The following CCSER1 variants were observed in gnomAD, a reference collection of about 807,000 sequenced individuals.
The protein encoded by CCSER1 is coiled-coil serine rich protein 1, also known as serine-rich coiled-coil domain-containing protein 1.
In CCSER1, 41 loss-of-function variants were observed where a neutral mutation model predicts 82.0. The ratio of observed to expected loss-of-function variants is 0.50; its 90% confidence interval spans 0.39 to 0.65. The LOEUF (loss-of-function observed/expected upper bound fraction) is 0.65, where lower values mean the gene tolerates loss of function less well. Among genes scored for constraint, CCSER1 ranks in the 30% least tolerant of loss-of-function variants. The pLI is 0.00. For missense variants in CCSER1, 1,119 were observed against 1,064.2 expected (o/e 1.05, Z -0.72); for synonymous variants, 414 against 383.9 (o/e 1.08, Z -0.92).
At chr4:91,303,784 G>A (rs1744844980) in intron 10 of CCSER1, among the ~76,000 whole-genome samples, 1 of 151,872 alleles carries the variant, frequency 6.6e-6, no homozygotes, top group Non-Finnish European at 1.5e-5. Flanking sequence ...AATGGACTGA[G>A]ATCCTGTCTC....
chr4:90,590,009 C>T (rs574486325), intron 5 of CCSER1, among the ~76,000 whole-genome samples: 1 of 152,308 alleles, frequency 6.6e-6, no homozygotes, highest in African/African-American at 2.4e-5. Context: ...CACAATGGCT[C>T]ATGCCTGTAA....
chr4:90,178,864 G>A (rs1042695636), intron 1 of CCSER1, among the ~76,000 whole-genome samples: 9 of 152,184 alleles, frequency 5.9e-5, no homozygotes, highest in African/African-American at 1.4e-4. Flanking sequence ...GATATGCTCC[G>A]CAAATGTGGA....
intron 4 of CCSER1, among the ~76,000 whole-genome samples, chr4:90,403,668 C>A (rs1753271766): frequency 6.6e-6 from 1 of 151,976 alleles, no homozygotes; most frequent in African/African-American, 2.4e-5. Context: ...TCATTATATT[C>A]CACTGCTTAT....
At chr4:90,539,364 T>C (rs1775814297) in intron 5 of CCSER1, among the ~76,000 whole-genome samples, 1 of 152,112 alleles carries the variant, frequency 6.6e-6, no homozygotes, top group Admixed American at 6.5e-5. Context: ...AAACATTCTC[T>C]GGAATATAGG....
At chr4:91,270,247 T>A (rs1741917335) in intron 10 of CCSER1, among the ~76,000 whole-genome samples, 1 of 152,190 alleles carries the variant, frequency 6.6e-6, no homozygotes, top group African/African-American at 2.4e-5. Context: ...GGCCAGGGAA[T>A]AAGTGCTGAA....
At position 90,874,777 on chromosome 4, in the gene CCSER1, G is replaced by A. The variant is rs141021768; in HGVS notation, c.2095-48593G>A. ...TAAAAAACAAAATTGGCTGGGTGTG[G>A]TGTCTCACACCTGTAATCCCAGCAC... On this transcript the variant is annotated intron_variant, in intron 8 of 10. Coordinates refer to ENST00000509176, the MANE Select transcript of CCSER1 (RefSeq NM_001145065.2). 9.6e-3 allele frequency among the ~76,000 whole-genome samples: 1,455 copies of A among 152,188 alleles called. 25 individuals are homozygous for A. Among genetic ancestry groups the A allele is most frequent in the African/African-American group, 0.033 (1,388 of 41,508 alleles).
chr4:90,630,504 G>T (rs577883622), intron 6 of CCSER1, among the ~76,000 whole-genome samples: 9 of 152,190 alleles, frequency 5.9e-5, no homozygotes, highest in African/African-American at 2.2e-4. Context: ...AGGGGTATTC[G>T]AAGAAGCTGA....
At chr4:91,479,847 T>G (rs1757799642) in intron 10 of CCSER1, among the ~76,000 whole-genome samples, 2 of 145,140 alleles carry the variant, frequency 1.4e-5, no homozygotes, top group African/African-American at 2.5e-5. Flanking sequence ...ACCCACTAAC[T>G]CGTCATCTAG....
intron 10 of CCSER1, among the ~76,000 whole-genome samples, chr4:91,357,026 C>T (rs72880822): frequency 0.019 from 2,922 of 152,118 alleles, 91 homozygotes; most frequent in African/African-American, 0.066. Flanking sequence ...GTTTAACGTG[C>T]GGATGGAATA....
At chr4:90,593,044 A>T (rs1396351133) in intron 5 of CCSER1, among the ~76,000 whole-genome samples, 1 of 152,202 alleles carries the variant, frequency 6.6e-6, no homozygotes, top group East Asian at 1.9e-4. Context: ...TCTTCATTAG[A>T]TAAAATGATC....
intron 8 of CCSER1, among the ~76,000 whole-genome samples, chr4:90,820,124 TGAG>T (rs1426795930): frequency 6.6e-6 from 1 of 152,196 alleles, no homozygotes; most frequent in Non-Finnish European, 1.5e-5. Flanking sequence ...TTTCTTTACT[TGAG>T]GAGAAGAGTG....
intron 1 of CCSER1, among the ~76,000 whole-genome samples, chr4:90,278,400 A>G (rs72879742): frequency 0.092 from 14,043 of 152,168 alleles, 1,419 homozygotes; most frequent in African/African-American, 0.24. Context: ...AATGCTATTC[A>G]TAATACAAAA....
At chr4:90,317,759 T>C (rs187116329) in intron 3 of CCSER1, among the ~76,000 whole-genome samples, 1 of 152,258 alleles carries the variant, frequency 6.6e-6, no homozygotes, top group Non-Finnish European at 1.5e-5. Flanking sequence ...CTCCTCCTCC[T>C]GTATTCAGGC....
intron 1 of CCSER1, among the ~76,000 whole-genome samples, chr4:90,205,744 A>G (rs992811775): frequency 4.0e-5 from 6 of 151,876 alleles, no homozygotes; most frequent in African/African-American, 1.5e-4. Flanking sequence ...CTCTTTTTCT[A>G]TTGTTTGGAA....
At chr4:90,860,631 T>A (rs2149982444) in intron 8 of CCSER1, among the ~76,000 whole-genome samples, 1 of 151,876 alleles carries the variant, frequency 6.6e-6, no homozygotes, top group Non-Finnish European at 1.5e-5. Flanking sequence ...AATGCAAATG[T>A]TCATCAATTG....
intron 5 of CCSER1, among the ~76,000 whole-genome samples, chr4:90,522,617 C>A (rs1049852961): frequency 7.9e-5 from 12 of 152,068 alleles, no homozygotes; most frequent in African/African-American, 2.4e-4. Flanking sequence ...ACTCTAAGAC[C>A]CAGCATAAAA....
At chr4:91,234,837 G>C (rs1383860894) in intron 10 of CCSER1, among the ~76,000 whole-genome samples, 2 of 151,982 alleles carry the variant, frequency 1.3e-5, no homozygotes, top group Non-Finnish European at 2.9e-5. Flanking sequence ...ATGGTTTCTA[G>C]ACTTTTTAGC....
At chr4:90,856,889 A>G (rs1040450341) in intron 8 of CCSER1, among the ~76,000 whole-genome samples, 6 of 151,770 alleles carry the variant, frequency 4.0e-5, no homozygotes, top group South Asian at 4.2e-4. Flanking sequence ...AGAGGTTGCA[A>G]TCTGGTTGGA....
intron 3 of CCSER1, among the ~76,000 whole-genome samples, chr4:90,376,041 A>T (rs7656237): frequency 0.37 from 55,490 of 151,954 alleles, 10,658 homozygotes; most frequent in African/African-American, 0.47. Context: ...CATTTTGTGT[A>T]GATGCCAGGA....
Sources: allele counts gnomAD v4.1 joint callset (sites outside exome capture counted in the v4.1 genomes callset), GRCh38; gene constraint gnomAD v4.1.1; transcripts MANE v1.5; gene names NCBI Gene and HGNC (gene_info 2026-07-23, HGNC 2026-07-21).